The following PDE12 variants were observed in gnomAD, a reference collection of about 807,000 sequenced individuals.
PDE12 encodes phosphodiesterase 12.
In PDE12, 26 loss-of-function variants were observed where a neutral mutation model predicts 45.4. The observed-to-expected ratio is 0.57, with a 90% CI of 0.42 to 0.79. PDE12 has a LOEUF of 0.79. PDE12 is among the 30% of genes least tolerant of loss of function. The pLI is 0.00. For synonymous variants in PDE12, 283 were observed against 323.9 expected (o/e 0.87, Z 1.36); for missense variants, 668 against 790.0 (o/e 0.85, Z 1.85).
At chr3:57,637,595 G>C in the PDE12 span, among the ~76,000 whole-genome samples, 2,094 of 151,966 alleles carry the variant, frequency 0.014, 26 homozygotes, top group Non-Finnish European at 0.024. Context: ...TCCTGAGCAG[G>C]GCTGTGTTGC....
chr3:57,575,563 A>G, the PDE12 span: 4 of 1,612,782 alleles, frequency 2.5e-6, no homozygotes, highest in Non-Finnish European at 3.4e-6. Flanking sequence ...TGTTACGAAG[A>G]GACTGAAGCC....
the PDE12 span, among the ~76,000 whole-genome samples, chr3:57,638,681 A>C: frequency 1.2e-4 from 19 of 152,110 alleles, no homozygotes; most frequent in African/African-American, 2.7e-4. Context: ...AACTAAATAA[A>C]TAAATAAATA....
At chr3:57,614,546 T>G in the PDE12 span, among the ~76,000 whole-genome samples, 72 of 47,044 alleles carry the variant, frequency 1.5e-3, no homozygotes, top group African/African-American at 8.6e-3. Flanking sequence ...TGTTTTTTGT[T>G]TTTTTTTTTT....
chr3:57,571,234 T>C (rs145040262), downstream of PDE12: 168 of 152,312 alleles, frequency 1.1e-3, no homozygotes, highest in Non-Finnish European at 2.0e-3. Context: ...AGATCTCCAC[T>C]TTATACAATT....
At chr3:57,630,295 C>G in the PDE12 span, 1 of 771,134 alleles carries the variant, frequency 1.3e-6, no homozygotes, top group Non-Finnish European at 2.0e-6. Flanking sequence ...AGCACATGAT[C>G]TAGAAAAGTT....
chr3:57,584,421 C>T, the PDE12 span: 1 of 1,613,738 alleles, frequency 6.2e-7, no homozygotes, highest in East Asian at 2.2e-5. Flanking sequence ...CCCCTAACTT[C>T]AGTTTATACA....
the PDE12 span, among the ~76,000 whole-genome samples, chr3:57,652,424 C>T: frequency 1.3e-5 from 2 of 152,098 alleles, no homozygotes; most frequent in African/African-American, 2.4e-5. Context: ...CTCCTATGTC[C>T]AACTGACTGA....
At chr3:57,645,722 G>A in the PDE12 span, 7 of 1,613,154 alleles carry the variant, frequency 4.3e-6, no homozygotes, top group African/African-American at 2.7e-5. Context: ...AAATAAGGTC[G>A]GAAATCACTG....
chr3:57,610,872 C>T, the PDE12 span, among the ~76,000 whole-genome samples: 1 of 152,038 alleles, frequency 6.6e-6, no homozygotes, highest in South Asian at 2.1e-4. Flanking sequence ...CTTCACAGAA[C>T]TGGAAAAAAC....
Position 57,556,352 on chromosome 3 carries a change from T to G in PDE12, c.-28T>G. 1 of 1,529,816 alleles carries G rather than the reference T, an allele frequency of 6.5e-7. No homozygotes were observed. Among genetic ancestry groups the G allele is most frequent in the Non-Finnish European group, 8.8e-7 (1 of 1,136,862 alleles). 94.8% of individuals were successfully genotyped at this position (1,529,816 alleles called of 1,614,324 possible). A position where few individuals can be genotyped will look rare whatever the true frequency, so the allele number is the denominator to read the frequency against. On this transcript the variant is annotated 5_prime_UTR_variant, in exon 1 of 3. Coordinates refer to ENST00000311180, the MANE Select transcript of PDE12 (RefSeq NM_177966.7). The surrounding 1 kb of genome is among the most constrained non-coding windows in gnomAD (Gnocchi z 5.0). Reference sequence around the variant, plus strand: ...CAGTAGGCCGCTGATCGGCCGCGGGTCTTGTCGACCGCTAGGCCACCAGGT... The same window carrying G: ...CAGTAGGCCGCTGATCGGCCGCGGGGCTTGTCGACCGCTAGGCCACCAGGT...
the PDE12 span, among the ~76,000 whole-genome samples, chr3:57,616,661 A>G: frequency 5.9e-5 from 9 of 152,310 alleles, no homozygotes; most frequent in Middle Eastern, 3.4e-3. Context: ...ACATAATACC[A>G]ATTTGACACA....
At chr3:57,559,415 A>G (rs1292420339) in intron 2 of PDE12, 27 bp downstream of exon 2, 2 of 1,581,142 alleles carry the variant, frequency 1.3e-6, no homozygotes, top group East Asian at 4.5e-5. Context: ...ATCACAAGTG[A>G]CTTAAACACG....
rs1240484686 is a variant in PDE12, at chr3:57,563,484, A to G, written c.*3480A>G. 6.6e-6 allele frequency: 1 copy of G among 152,186 alleles called. No individual in the cohort carries two copies. The highest frequency in any genetic ancestry group is 1.5e-5 in the Non-Finnish European group (1 of 68,042). The allele number at this position is 152,186 out of a possible 1,614,324, so 9.4% of individuals were successfully genotyped here. ...GTCATTTACATTAGGTATTTCTCCT[A>G]ATGCTATCCCTCCCCCAGCCCTGAA... On this transcript the variant is annotated 3_prime_UTR_variant, in exon 3 of 3. Transcript: ENST00000311180.
the PDE12 span, among the ~76,000 whole-genome samples, chr3:57,614,098 C>G: frequency 2.0e-5 from 3 of 152,008 alleles, no homozygotes; most frequent in Non-Finnish European, 2.9e-5. Flanking sequence ...CAATAGCCCT[C>G]TCTTATATAT....
At chr3:57,586,970 T>C in the PDE12 span, among the ~76,000 whole-genome samples, 1 of 152,042 alleles carries the variant, frequency 6.6e-6, no homozygotes, top group Admixed American at 6.6e-5. Context: ...CACACAAAAC[T>C]ATGGTACCTG....
chr3:57,615,855 G>A, the PDE12 span, among the ~76,000 whole-genome samples: 24,628 of 151,910 alleles, frequency 0.16, 2,667 homozygotes, highest in East Asian at 0.48. Context: ...TAACCAAAAC[G>A]TGGTTATTTG....
the PDE12 span, among the ~76,000 whole-genome samples, chr3:57,581,328 C>T: frequency 6.6e-6 from 1 of 152,142 alleles, no homozygotes; most frequent in African/African-American, 2.4e-5. Flanking sequence ...GGAAGCAGTA[C>T]TTAGACTTTT....
chr3:57,592,204 T>C, the PDE12 span, among the ~76,000 whole-genome samples: 1 of 152,078 alleles, frequency 6.6e-6, no homozygotes, highest in Non-Finnish European at 1.5e-5. Context: ...ATCTTAATAT[T>C]TTGGCCAGGC....
chr3:57,612,641 C>T, the PDE12 span, among the ~76,000 whole-genome samples: 1 of 151,716 alleles, frequency 6.6e-6, no homozygotes, highest in East Asian at 1.9e-4. Flanking sequence ...TGTGGTGGTG[C>T]ACGCCTGTAG....
Sources: gnomAD v4.1 joint callset for allele counts (sites outside exome capture counted in the v4.1 genomes callset) on GRCh38, gnomAD v4.1.1 for gene constraint, Gnocchi (gnomAD v3.1) non-coding constraint, MANE v1.5 for transcripts, NCBI Gene and HGNC (gene_info 2026-07-23, HGNC 2026-07-21) for gene names.